PLXNA4: variants seen among roughly 807,000 people sequenced by gnomAD.
PLXNA4 encodes plexin A4.
In PLXNA4, 44 loss-of-function variants were observed where a neutral mutation model predicts 191.8. The observed-to-expected ratio is 0.23, with a 90% CI of 0.18 to 0.29. The LOEUF is 0.29. PLXNA4 is among the 10% of genes least tolerant of loss of function. The pLI, the probability that PLXNA4 is intolerant of heterozygous loss-of-function variation, is 1.00. For missense variants in PLXNA4, 1,800 were observed against 2,488.8 expected (o/e 0.72, Z 5.89); for synonymous variants, 1,082 against 1,009.5 (o/e 1.07, Z -1.36).
At chr7:132,558,048 T>A (rs1800879147) in intron 1 of PLXNA4, among the ~76,000 whole-genome samples, 1 of 152,136 alleles carries the variant, frequency 6.6e-6, no homozygotes. Context: ...GAATATGAGA[T>A]GTAAATACTG....
intron 2 of PLXNA4, among the ~76,000 whole-genome samples, chr7:132,607,212 T>A (rs1164976875): frequency 6.6e-6 from 1 of 152,244 alleles, no homozygotes. Context: ...GAGGCTGACC[T>A]ACACATACAC....
chr7:132,200,987 C>A (rs540457397), intron 12 of PLXNA4, among the ~76,000 whole-genome samples: 2 of 152,332 alleles, frequency 1.3e-5, no homozygotes, highest in East Asian at 3.9e-4. Context: ...GTTCTAACCC[C>A]AGTGTCTCAG....
chr7:132,582,427 T>C (rs1479539269), intron 2 of PLXNA4, among the ~76,000 whole-genome samples: 2 of 152,198 alleles, frequency 1.3e-5, no homozygotes, highest in African/African-American at 2.4e-5. Flanking sequence ...CCAGAGGTAT[T>C]CATGCCCTCA....
At chr7:132,638,724 T>C (rs1372508415) in intron 2 of PLXNA4, among the ~76,000 whole-genome samples, 2 of 152,138 alleles carry the variant, frequency 1.3e-5, no homozygotes, top group African/African-American at 4.8e-5. Context: ...ATCTTCACTC[T>C]CTTTTACCCT....
At chr7:132,142,011 G>A (rs559498257) in intron 29 of PLXNA4, among the ~76,000 whole-genome samples, 2 of 152,186 alleles carry the variant, frequency 1.3e-5, no homozygotes, top group Non-Finnish European at 2.9e-5. Flanking sequence ...AATACAAGGC[G>A]TGAGCCACTG....
At chr7:132,562,050 TC>T (rs1801168064) in intron 1 of PLXNA4, among the ~76,000 whole-genome samples, 1 of 105,258 alleles carries the variant, frequency 9.5e-6, no homozygotes, top group Non-Finnish European at 1.9e-5. Flanking sequence ...TTCCTCCTCC[TC>T]TCCCTCCTCC....
chr7:132,559,663 T>G (rs1386115810), intron 1 of PLXNA4, among the ~76,000 whole-genome samples: 1 of 152,240 alleles, frequency 6.6e-6, no homozygotes, highest in African/African-American at 2.4e-5. Flanking sequence ...ACCAATGGCC[T>G]GTTCTCTGCA....
chr7:132,138,540 G>T (rs1795178708), intron 30 of PLXNA4, among the ~76,000 whole-genome samples: 1 of 152,166 alleles, frequency 6.6e-6, no homozygotes. Flanking sequence ...CTCTGGGCTT[G>T]ACCTCAGCCC....
chr7:132,563,752 C>G (rs1269996300), intron 1 of PLXNA4, among the ~76,000 whole-genome samples: 1 of 114,046 alleles, frequency 8.8e-6, no homozygotes, highest in Non-Finnish European at 1.8e-5. Flanking sequence ...CTCCCTCCTC[C>G]TTCTCCTCCT....
chr7:132,164,323 T>G (rs1796036067), intron 23 of PLXNA4, 35 bp from the exon 24 acceptor site: 1 of 1,610,444 alleles, frequency 6.2e-7, no homozygotes, highest in South Asian at 1.1e-5. Context: ...GGAGGAGCTC[T>G]TGGAACACTG....
At position 132,576,329 on chromosome 7, in the gene PLXNA4, G is replaced by A; in HGVS notation, c.-87+93C>T. ...TGCGTGTGCCGCGGGCTGGCTCCGG[G>A]ACACTGAGGACTCCCGGGTCGGCCC... is the stretch of plus-strand genomic sequence containing the variant. On this transcript the variant is annotated intron_variant, in intron 1 of 31. Coordinates refer to ENST00000321063, the MANE Select transcript of PLXNA4 (RefSeq NM_020911.2). The surrounding 1 kb of genome is among the most constrained non-coding windows in gnomAD (Gnocchi z 5.8). 1 of 922,150 alleles carries A rather than the reference G, an allele frequency of 1.1e-6. No homozygotes were observed. 57.1% of individuals were successfully genotyped at this position (922,150 alleles called of 1,614,324 possible). A position where few individuals can be genotyped will look rare whatever the true frequency, so the allele number is the denominator to read the frequency against.
At chr7:132,644,446 G>A (rs1233938992) in intron 2 of PLXNA4, among the ~76,000 whole-genome samples, 1 of 152,168 alleles carries the variant, frequency 6.6e-6, no homozygotes, top group Non-Finnish European at 1.5e-5. Context: ...CTGCCCCATG[G>A]CTCTTCTGCC....
rs183927765 is a variant in PLXNA4 at position 132,356,825 on chromosome 7, C to A, written c.1372-58603G>T. On this transcript the variant is annotated intron_variant, in intron 3 of 31. Transcript: ENST00000321063. ...AGTTGGAGGCAGGACTTCGTAAGAGCTATTCCTCTCCATGGGTGGCTCTCA... is the reference window on the plus strand; with the variant it reads ...AGTTGGAGGCAGGACTTCGTAAGAGATATTCCTCTCCATGGGTGGCTCTCA... Among the ~76,000 whole-genome samples, 8 of 152,306 alleles carry A rather than the reference C, an allele frequency of 5.3e-5. No individual in the cohort carries two copies. The East Asian group carries it at 1.5e-3, about 29-fold the overall frequency.
intron 3 of PLXNA4, among the ~76,000 whole-genome samples, chr7:132,416,340 C>T (rs1002629757): frequency 1.3e-5 from 2 of 152,168 alleles, no homozygotes; most frequent in Non-Finnish European, 2.9e-5. Flanking sequence ...ACAAGTGAGA[C>T]TTCAAGAAAT....
At chr7:132,284,390 A>C (rs1800604477) in intron 4 of PLXNA4, among the ~76,000 whole-genome samples, 1 of 152,240 alleles carries the variant, frequency 6.6e-6, no homozygotes. Flanking sequence ...CTTCATGTGA[A>C]TATCATTTGT....
intron 1 of PLXNA4, among the ~76,000 whole-genome samples, chr7:132,646,633 C>A (rs1468993470): frequency 6.6e-6 from 1 of 152,150 alleles, no homozygotes; most frequent in Non-Finnish European, 1.5e-5. Context: ...CCTACTGATA[C>A]CTTGCTCTTG....
chr7:132,344,837 A>C (rs2116766580), intron 3 of PLXNA4, among the ~76,000 whole-genome samples: 1 of 152,304 alleles, frequency 6.6e-6, no homozygotes, highest in African/African-American at 2.4e-5. Context: ...TAACATCTGC[A>C]AGGCTTGCAG....
chr7:132,466,759 T>A (rs1796721722), intron 3 of PLXNA4, among the ~76,000 whole-genome samples: 1 of 152,192 alleles, frequency 6.6e-6, no homozygotes, highest in South Asian at 2.1e-4. Flanking sequence ...TCTCTCCATT[T>A]TCCTCCTTTT....
In PLXNA4 at chr7:132,509,962, T is replaced by G. The variant is rs138190451; in HGVS notation, c.-86-1183A>C. Among the ~76,000 whole-genome samples, 10 of 152,170 alleles carry G rather than the reference T, an allele frequency of 6.6e-5. No homozygotes were observed. In the East Asian group the frequency reaches 1.9e-3, roughly 29 times the overall value. ...AGGGCCTCCTCTGAGAGGTTTTCAT[T>G]AAAGGGAGAGAAAAAATGCTTTAAG... On this transcript the variant is annotated intron_variant, in intron 1 of 31. Coordinates refer to ENST00000321063, the MANE Select transcript of PLXNA4 (RefSeq NM_020911.2).
Sources: allele counts gnomAD v4.1 joint callset (sites outside exome capture counted in the v4.1 genomes callset), GRCh38; gene constraint gnomAD v4.1.1; non-coding constraint Gnocchi (gnomAD v3.1); transcripts MANE v1.5; gene names NCBI Gene and HGNC (gene_info 2026-07-23, HGNC 2026-07-21).